The following SLC38A3 variants were observed in gnomAD, a reference collection of about 807,000 sequenced individuals.
SLC38A3 encodes sodium-coupled neutral amino acid transporter 3.
A neutral mutation model predicts 59.5 loss-of-function variants in SLC38A3; 17 were observed. The observed-to-expected ratio is 0.29, with a 90% CI of 0.20 to 0.43. SLC38A3 has a LOEUF of 0.43. SLC38A3 is among the 20% of genes least tolerant of loss of function. SLC38A3 has a pLI of 1.00. For missense variants in SLC38A3, 454 were observed against 653.9 expected (o/e 0.69, Z 3.33); for synonymous variants, 238 against 260.3 (o/e 0.91, Z 0.82).
At chr3:50,208,966 G>C (rs1424073756) in intron 1 of SLC38A3, among the ~76,000 whole-genome samples, 1 of 152,172 alleles carries the variant, frequency 6.6e-6, no homozygotes, top group Non-Finnish European at 1.5e-5. Flanking sequence ...CGGACTCTCT[G>C]ATGAGTCCTG....
chr3:50,214,461 G>T lies in SLC38A3; in HGVS notation c.161G>T (p.Ser54Ile). The T allele has an allele frequency of 1.3e-6, 2 of 1,570,834 alleles. No homozygotes were observed. Among genetic ancestry groups the T allele is most frequent in the Non-Finnish European group, 1.7e-6 (2 of 1,158,176 alleles). Residue 54 changes from serine to isoleucine, a missense_variant, in exon 3 of 16, where the codon AGC becomes ATC. Transcript: ENST00000614032. This position sits in a 1 kb window ranked among gnomAD's most constrained non-coding sequence, Gnocchi z 6.0. ...EGKSFLQKSP[S>I]KEPHFTDFEG... is the part of the protein sequence containing the mutation. ...AAGAGCTTCCTACAGAAAAGTCCCA[G>T]CAAGGAGCCACACTTCACTGACGTG...
At position 50,218,983 on chromosome 3, in the gene SLC38A3, T is replaced by C. The variant is rs773495652; in HGVS notation, c.1306+35T>C. On this transcript the variant is annotated intron_variant, in intron 14 of 15. Transcript: ENST00000614032. This position sits in a 1 kb window ranked among gnomAD's most constrained non-coding sequence, Gnocchi z 5.8. ...TGGCCCTGCTGTGGAAGCAGGGTAT[T>C]GCCCCAGAGGATTTCAACTCTGCAA... The C allele has an allele frequency of 2.5e-6, 4 of 1,592,466 alleles. No individual in the cohort carries two copies. Among genetic ancestry groups the C allele is most frequent in the East Asian group, 2.3e-5 (1 of 44,296 alleles).
rs2109154889 is a variant in SLC38A3 at position 50,215,005 on chromosome 3, T to C, written c.299+237T>C. The C allele has an allele frequency of 3.4e-6, 2 of 583,356 alleles. No homozygotes were observed. Among genetic ancestry groups the C allele is most frequent in the Admixed American group, 3.2e-5 (1 of 31,282 alleles). The allele number at this position is 583,356 out of a possible 1,614,324, so 36.1% of individuals were successfully genotyped here. ...GTCTTACAGGCCAGAGACTGTCCTT[T>C]TGGCACCTTACACGTGATGGCCAAG... On this transcript the variant is annotated intron_variant, in intron 4 of 15. Transcript: ENST00000614032. The surrounding 1 kb of genome is among the most constrained non-coding windows in gnomAD (Gnocchi z 7.1).
intron 14 of SLC38A3, among the ~76,000 whole-genome samples, chr3:50,219,482 G>A (rs946685873): frequency 2.0e-5 from 3 of 152,134 alleles, no homozygotes; most frequent in South Asian, 2.1e-4. Context: ...TGGATATCAC[G>A]GACAGCACTC....
chr3:50,208,787 T>C (rs564530173), intron 1 of SLC38A3, among the ~76,000 whole-genome samples: 97 of 152,348 alleles, frequency 6.4e-4, no homozygotes, highest in African/African-American at 2.3e-3. Flanking sequence ...GCTGCATCTC[T>C]GTCTGTCTGT....
intron 7 of SLC38A3, among the ~76,000 whole-genome samples, chr3:50,216,333 C>T (rs913190030): frequency 3.3e-5 from 5 of 152,222 alleles, no homozygotes; most frequent in African/African-American, 9.6e-5. Flanking sequence ...AGAGTAGCTC[C>T]GGCAAGAGGG....
Position 50,218,479 on chromosome 3 carries a change from C to A in SLC38A3, c.1036+109C>A. On this transcript the variant is annotated intron_variant, in intron 12 of 15. Transcript: ENST00000614032. The surrounding 1 kb of genome is among the most constrained non-coding windows in gnomAD (Gnocchi z 5.8). ...CGTGTGGTGCCTGGCTGTGCCTTGC[C>A]GCTGTGGAGGTGAGTCTGCATGCCA... 1 of 1,562,276 alleles carries A rather than the reference C, an allele frequency of 6.4e-7. No homozygotes were observed. Among genetic ancestry groups the A allele is most frequent in the East Asian group, 2.3e-5 (1 of 44,376 alleles).
At position 50,217,757 on chromosome 3, in the gene SLC38A3, A is replaced by T. The variant is rs587684464; in HGVS notation, c.772A>T (p.Ile258Phe). The change falls in exon 10 of 16, where the codon ATC becomes TTC. Residue 258 changes from isoleucine to phenylalanine, a missense_variant. By Grantham distance (21) the Ile-to-Phe change is conservative (BLOSUM62 0). Transcript: ENST00000614032. The surrounding 1 kb of genome is among the most constrained non-coding windows in gnomAD (Gnocchi z 4.9). ...NTTGNFSHVE[I>F]VKEKVQLQVE... ...CACAGGCAACTTCAGCCACGTGGAG[A>T]TCGTGAAGGAGAAGGTGCAGCTGCA... 1.2e-6 allele frequency: 2 copies of T among 1,613,604 alleles called. No individual in the cohort carries two copies. Among genetic ancestry groups the T allele is most frequent in the South Asian group, 2.2e-5 (2 of 91,022 alleles).
chr3:50,205,607 C>A (rs1699634297), intron 1 of SLC38A3, among the ~76,000 whole-genome samples: 1 of 152,252 alleles, frequency 6.6e-6, no homozygotes, highest in Non-Finnish European at 1.5e-5. Flanking sequence ...CTTAGGGCCT[C>A]TCGGCGGGGC....
At position 50,214,518 on chromosome 3, in the gene SLC38A3, G is replaced by A. The variant is rs1030706825; in HGVS notation, c.183+35G>A. ...GCAGCAACGGGTTTTAGGGGACACT[G>A]TGGGGAGCTTGGATGCAGTAATGAG... On this transcript the variant is annotated intron_variant, in intron 3 of 15. Transcript: ENST00000614032. The surrounding 1 kb of genome is among the most constrained non-coding windows in gnomAD (Gnocchi z 6.0). The A allele has an allele frequency of 2.6e-6, 4 of 1,539,014 alleles. No homozygotes were observed. The African/African-American group carries it at 5.5e-5, about 21-fold the overall frequency.
intron 14 of SLC38A3, among the ~76,000 whole-genome samples, chr3:50,219,277 G>A (rs1397798533): frequency 2.6e-5 from 4 of 152,216 alleles, no homozygotes; most frequent in Non-Finnish European, 5.9e-5. Flanking sequence ...CACACAGCTG[G>A]TGAATAGGAG....
Position 50,218,460 on chromosome 3 carries a change from G to A in SLC38A3, c.1036+90G>A. Reference sequence around the variant, plus strand: ...GGTGCCCTCCATACCGAGGCGTGTGGTGCCTGGCTGTGCCTTGCCGCTGTG... The same window carrying A: ...GGTGCCCTCCATACCGAGGCGTGTGATGCCTGGCTGTGCCTTGCCGCTGTG... On this transcript the variant is annotated intron_variant, in intron 12 of 15. Transcript: ENST00000614032. The surrounding 1 kb of genome is among the most constrained non-coding windows in gnomAD (Gnocchi z 5.8). 6.5e-7 allele frequency: 1 copy of A among 1,531,888 alleles called. No individual in the cohort carries two copies. Among genetic ancestry groups the A allele is most frequent in the Non-Finnish European group, 9.0e-7 (1 of 1,108,812 alleles). The allele number at this position is 1,531,888 out of a possible 1,614,324, so 94.9% of individuals were successfully genotyped here.
At position 50,217,157 on chromosome 3, in the gene SLC38A3, G is replaced by C; in HGVS notation, c.549-81G>C. The C allele has an allele frequency of 1.2e-6, 1 of 862,236 alleles. No homozygotes were observed. The allele number at this position is 862,236 out of a possible 1,614,324, so 53.4% of individuals were successfully genotyped here. A position where few individuals can be genotyped will look rare whatever the true frequency, so the allele number is the denominator to read the frequency against. The stretch of plus-strand genomic sequence containing the variant: ...CAGATGTCACTCAGTGGCACCATTG[G>C]TAACTCCAGCAGAGGGAGGCAGGGG... On this transcript the variant is annotated intron_variant, in intron 7 of 15. Coordinates refer to ENST00000614032, the MANE Select transcript of SLC38A3 (RefSeq NM_006841.6). The surrounding 1 kb of genome is among the most constrained non-coding windows in gnomAD (Gnocchi z 4.9).
chr3:50,219,993 G>A lies in SLC38A3; in HGVS notation c.1410+9G>A. The A allele has an allele frequency of 6.2e-7, 1 of 1,609,020 alleles. No homozygotes were observed. Among genetic ancestry groups the A allele is most frequent in the South Asian group, 1.1e-5 (1 of 90,082 alleles). On this transcript the variant is annotated intron_variant, in intron 15 of 15. Transcript: ENST00000614032. The stretch of plus-strand genomic sequence containing the variant: ...CCACCCCCAAAATCCTGGTGCGAGG[G>A]GCCTGGAGGCCGGTGGGCTGGTATG...
rs768086407 is a variant in SLC38A3, at chr3:50,218,690, G to A, written c.1134G>A (p.Thr378=). ...CVRVAVLTAV[T]LTVPIVLFPV... The stretch of plus-strand genomic sequence containing the variant: ...GCGTGGCCGTGCTGACAGCAGTCAC[G>A]CTCACAGTGCCCATCGTTCTGTTCC... Residue 378 remains threonine, a synonymous_variant, in exon 13 of 16, where the codon ACG becomes ACA. Coordinates refer to ENST00000614032, the MANE Select transcript of SLC38A3 (RefSeq NM_006841.6). This position sits in a 1 kb window ranked among gnomAD's most constrained non-coding sequence, Gnocchi z 5.8. The A allele has an allele frequency of 1.4e-5, 23 of 1,612,468 alleles. No homozygotes were observed. The highest frequency in any genetic ancestry group is 1.7e-4 in the Middle Eastern group (1 of 6,058).
Position 50,217,505 on chromosome 3 carries a change from G to A in SLC38A3, c.690+32G>A, listed in dbSNP as rs587646740. On this transcript the variant is annotated intron_variant, in intron 9 of 15. Transcript: ENST00000614032. This position sits in a 1 kb window ranked among gnomAD's most constrained non-coding sequence, Gnocchi z 4.9. ...CACCCTCCATGTTGGCTGAGAAAGC[G>A]GGCAGCGGGTCTCCTGGGGGAGTTC... is the stretch of plus-strand genomic sequence containing the variant. 1.6e-5 allele frequency: 25 copies of A among 1,608,056 alleles called. No homozygotes were observed. The highest frequency in any genetic ancestry group is 2.7e-5 in the African/African-American group (2 of 74,906).
Position 50,205,324 on chromosome 3 carries a change from C to T in SLC38A3, c.-76C>T, listed in dbSNP as rs1028502375. 2.6e-5 allele frequency: 4 copies of T among 152,200 alleles called. No individual in the cohort carries two copies. Among genetic ancestry groups the T allele is most frequent in the African/African-American group, 9.7e-5 (4 of 41,442 alleles). The allele number at this position is 152,200 out of a possible 1,614,324, so 9.4% of individuals were successfully genotyped here. On this transcript the variant is annotated 5_prime_UTR_variant, in exon 1 of 16. Transcript: ENST00000614032. ...AACCGCACCGGCCCGAGCGGAGCGC[C>T]GCACGTTCCCAACCGCGAGGCCAGG...
chr3:50,209,340 C>A (rs943939654), intron 1 of SLC38A3, among the ~76,000 whole-genome samples: 3 of 152,138 alleles, frequency 2.0e-5, no homozygotes, highest in African/African-American at 7.2e-5. Flanking sequence ...CAGCTACAAG[C>A]ATCTGTTAGA....
Position 50,214,005 on chromosome 3 carries a change from C to T in SLC38A3, c.-51-144C>T. The T allele has an allele frequency of 1.6e-6, 1 of 606,816 alleles. No homozygotes were observed. Among genetic ancestry groups the T allele is most frequent in the Non-Finnish European group, 2.9e-6 (1 of 341,422 alleles). The allele number at this position is 606,816 out of a possible 1,614,324, so 37.6% of individuals were successfully genotyped here. A position where few individuals can be genotyped will look rare whatever the true frequency, so the allele number is the denominator to read the frequency against. On this transcript the variant is annotated intron_variant, in intron 1 of 15. Transcript: ENST00000614032. This position sits in a 1 kb window ranked among gnomAD's most constrained non-coding sequence, Gnocchi z 6.0. ...GCTGGATTCCCCCAACAGCAGATCCCAGGGAGGCAGTAGGCAGAGCTGCAT... is the reference window on the plus strand; with the variant it reads ...GCTGGATTCCCCCAACAGCAGATCCTAGGGAGGCAGTAGGCAGAGCTGCAT...
Sources: gnomAD v4.1 joint callset for allele counts (sites outside exome capture counted in the v4.1 genomes callset) on GRCh38, gnomAD v4.1.1 for gene constraint, Gnocchi (gnomAD v3.1) non-coding constraint, MANE v1.5 for transcripts, NCBI Gene and HGNC (gene_info 2026-07-23, HGNC 2026-07-21) for gene names.